ZNF282: variants seen among roughly 807,000 people sequenced by gnomAD.
ZNF282 encodes HTLV-I U5 repressive element-binding protein 1.
ZNF282 carries 30 observed loss-of-function variants against 61.9 expected under a neutral mutation model. The observed-to-expected ratio is 0.48, with a 90% CI of 0.36 to 0.66. ZNF282 has a LOEUF of 0.66. Among genes scored for constraint, ZNF282 ranks in the 30% least tolerant of loss-of-function variants. The pLI is 0.00. For missense variants in ZNF282, 788 were observed against 941.4 expected (o/e 0.84, Z 2.13); for synonymous variants, 396 against 405.0 (o/e 0.98, Z 0.27).
At chr7:149,204,629 T>TACCTGAGATCAA in intron 2 of ZNF282, among the ~76,000 whole-genome samples, 1 of 152,208 alleles carries the variant, frequency 6.6e-6, no homozygotes, top group East Asian at 1.9e-4. Context: ...TGCCGGCGCC[T>TACCTGAGATCAA]ACCTGAGATC....
In ZNF282 at chr7:149,202,979, A is replaced by T. The variant is rs1260491576; in HGVS notation, c.586-3717A>T. On this transcript the variant is annotated intron_variant, in intron 2 of 7. Coordinates refer to ENST00000610704, the MANE Select transcript of ZNF282 (RefSeq NM_003575.4). ...GTGTGTCTCTGTGTCTGCTGAGGCA[A>T]CCACCCCAATGACTTTGCCAGAGGA... 3.9e-5 allele frequency among the ~76,000 whole-genome samples: 6 copies of T among 152,084 alleles called. No homozygotes were observed. The South Asian group carries it at 1.2e-3, about 32-fold the overall frequency.
rs965890337 is a variant in ZNF282 at position 149,224,677 on chromosome 7, G to C, written c.*30G>C. On this transcript the variant is annotated 3_prime_UTR_variant, in exon 8 of 8. Coordinates refer to ENST00000610704, the MANE Select transcript of ZNF282 (RefSeq NM_003575.4). ...GGGCTGGGGGAGGGCAGGGCCGGAC[G>C]GAGTGGATCGGGGGCGGCCTGAGCA... is the stretch of plus-strand genomic sequence containing the variant. The C allele has an allele frequency of 6.8e-7, 1 of 1,467,002 alleles. No homozygotes were observed. Among genetic ancestry groups the C allele is most frequent in the African/African-American group, 1.4e-5 (1 of 71,088 alleles). 90.9% of individuals were successfully genotyped at this position (1,467,002 alleles called of 1,614,324 possible).
At chr7:149,222,421 T>G (rs899195281) in intron 7 of ZNF282, among the ~76,000 whole-genome samples, 8 of 152,206 alleles carry the variant, frequency 5.3e-5, no homozygotes, top group African/African-American at 1.9e-4. Context: ...ATTCCATTCC[T>G]GTGGGCCTCT....
chr7:149,223,602 C>T (rs1796295200), intron 7 of ZNF282, among the ~76,000 whole-genome samples: 1 of 152,220 alleles, frequency 6.6e-6, no homozygotes, highest in African/African-American at 2.4e-5. Flanking sequence ...TGCTGCGTGC[C>T]ACCTGCTTGA....
In ZNF282 at chr7:149,195,759, G is replaced by C; in HGVS notation, c.165+5G>C. On this transcript the variant is annotated splice_donor_5th_base_variant and intron_variant, in intron 1 of 7. Coordinates refer to ENST00000610704, the MANE Select transcript of ZNF282 (RefSeq NM_003575.4). ...GAGGGAATGCCGCCCATGCAGGTGG[G>C]AGAACCCCGCCGGCGCCATGGCCGC... The C allele has an allele frequency of 1.3e-6, 2 of 1,497,886 alleles. No homozygotes were observed. The highest frequency in any genetic ancestry group is 1.8e-6 in the Non-Finnish European group (2 of 1,126,206). 92.8% of individuals were successfully genotyped at this position (1,497,886 alleles called of 1,614,324 possible).
At chr7:149,212,224 T>G in intron 5 of ZNF282, 134 bp from the exon 6 acceptor site, 2 of 597,168 alleles carry the variant, frequency 3.3e-6, no homozygotes, top group Middle Eastern at 2.6e-4. Context: ...CTTTAGTTAA[T>G]GAGACTTATG....
chr7:149,215,377 A>G (rs1178692502), intron 7 of ZNF282, among the ~76,000 whole-genome samples: 1 of 151,688 alleles, frequency 6.6e-6, no homozygotes, highest in East Asian at 1.9e-4. Flanking sequence ...TAATTTTTGA[A>G]TTTTTAGTAG....
intron 3 of ZNF282, among the ~76,000 whole-genome samples, 169 bp downstream of exon 3, chr7:149,206,991 G>C (rs1796001662): frequency 6.6e-6 from 1 of 152,030 alleles, no homozygotes. Flanking sequence ...TTTACAATAG[G>C]ATAAAAATTT....
chr7:149,211,776 C>G (rs1796089209), intron 5 of ZNF282, among the ~76,000 whole-genome samples: 1 of 152,100 alleles, frequency 6.6e-6, no homozygotes, highest in Non-Finnish European at 1.5e-5. Context: ...TGTCATCAGG[C>G]ATGACCCTTG....
chr7:149,215,124 C>A (rs1796142536), intron 7 of ZNF282, among the ~76,000 whole-genome samples: 1 of 151,840 alleles, frequency 6.6e-6, no homozygotes, highest in South Asian at 2.1e-4. Flanking sequence ...CATGGCTGAC[C>A]TAGTGTCTTC....
chr7:149,217,178 A>AT (rs200654652), intron 7 of ZNF282, among the ~76,000 whole-genome samples: 15 of 152,066 alleles, frequency 9.9e-5, no homozygotes, highest in East Asian at 3.9e-4. Context: ...CATAGTTTAT[A>AT]TTTTTTTTAG....
chr7:149,199,558 G>A (rs1456363567), intron 2 of ZNF282, among the ~76,000 whole-genome samples: 1 of 152,114 alleles, frequency 6.6e-6, no homozygotes, highest in African/African-American at 2.4e-5. Flanking sequence ...TACCTGCATT[G>A]GTGCCTCATT....
intron 6 of ZNF282, among the ~76,000 whole-genome samples, chr7:149,212,833 C>T (rs1179950739): frequency 6.6e-6 from 1 of 152,216 alleles, no homozygotes; most frequent in Non-Finnish European, 1.5e-5. Flanking sequence ...CTGCCCGCCT[C>T]AGCCTCCCAA....
intron 4 of ZNF282, among the ~76,000 whole-genome samples, chr7:149,209,528 A>G (rs1400206022): frequency 6.6e-6 from 1 of 152,140 alleles, no homozygotes; most frequent in Non-Finnish European, 1.5e-5. Context: ...TATGGGGTAG[A>G]TTTTTACATT....
At position 149,224,833 on chromosome 7, in the gene ZNF282, A is replaced by C; in HGVS notation, c.*186A>C. 32 of 1,113,460 alleles carry C rather than the reference A, an allele frequency of 2.9e-5. No individual in the cohort carries two copies. Among genetic ancestry groups the C allele is most frequent in the Non-Finnish European group, 3.6e-5 (29 of 811,044 alleles). The allele number at this position is 1,113,460 out of a possible 1,614,324, so 69.0% of individuals were successfully genotyped here. A position where few individuals can be genotyped will look rare whatever the true frequency, so the allele number is the denominator to read the frequency against. ...TCTGGTCTGAATGGACGCCCAGCTC[A>C]TCTAGGGTGGACCCAGCTGCTGGGG... On this transcript the variant is annotated 3_prime_UTR_variant, in exon 8 of 8. Transcript: ENST00000610704.
rs979022401 is a variant in ZNF282 at position 149,205,501 on chromosome 7, G to A, written c.586-1195G>A. On this transcript the variant is annotated intron_variant, in intron 2 of 7. Coordinates refer to ENST00000610704, the MANE Select transcript of ZNF282 (RefSeq NM_003575.4). ...GGATCTGTATTAATTTTCCCAGGTTGGGGCTTTTCCTGCATCTGGTGGAAG... is the reference window on the plus strand; with the variant it reads ...GGATCTGTATTAATTTTCCCAGGTTAGGGCTTTTCCTGCATCTGGTGGAAG... Among the ~76,000 whole-genome samples the A allele has an allele frequency of 5.9e-5, 9 of 152,162 alleles. No homozygotes were observed. In the South Asian group the frequency reaches 8.3e-4, roughly 14 times the overall value.
chr7:149,210,893 G>A (rs1796074431), intron 5 of ZNF282, among the ~76,000 whole-genome samples, 189 bp downstream of exon 5: 1 of 152,252 alleles, frequency 6.6e-6, no homozygotes, highest in Admixed American at 6.5e-5. Context: ...GTGGCAAACA[G>A]CATTGACAAT....
chr7:149,217,887 C>CT (rs1349665275), intron 7 of ZNF282, among the ~76,000 whole-genome samples: 2 of 152,040 alleles, frequency 1.3e-5, no homozygotes, highest in Non-Finnish European at 2.9e-5. Context: ...GAGCCGTAGA[C>CT]TGAGGCACCT....
rs779920494 is a variant in ZNF282 at position 149,195,655 on chromosome 7, C to T, written c.66C>T (p.Ser22=). The T allele has an allele frequency of 1.1e-5, 17 of 1,602,644 alleles. No individual in the cohort carries two copies. Among genetic ancestry groups the T allele is most frequent in the Non-Finnish European group, 1.4e-5 (17 of 1,175,598 alleles). The change falls in exon 1 of 8, where the codon AGC becomes AGT. Residue 22 remains serine (S), a synonymous_variant. Transcript: ENST00000610704. ...QLGIQGLGLD[S]GSWSWAQALP... is the part of the protein sequence containing the mutation. ...GCATCCAGGGCCTGGGGCTGGACAG[C>T]GGGAGCTGGAGCTGGGCCCAGGCTC...
Sources: allele counts gnomAD v4.1 joint callset (sites outside exome capture counted in the v4.1 genomes callset), GRCh38; gene constraint gnomAD v4.1.1; transcripts MANE v1.5; gene names NCBI Gene and HGNC (gene_info 2026-07-23, HGNC 2026-07-21).